Variants in NEDD4L observed in about 807,000 individuals in gnomAD.
NEDD4L encodes E3 ubiquitin-protein ligase NEDD4-like.
A neutral mutation model predicts 148.9 loss-of-function variants in NEDD4L; 54 were observed. The ratio of observed to expected loss-of-function variants is 0.36; its 90% CI spans 0.29 to 0.45. The LOEUF is 0.45. NEDD4L is among the 20% of genes least tolerant of loss of function. The pLI is 1.00. For synonymous variants in NEDD4L, 433 were observed against 440.7 expected (o/e 0.98, Z 0.22); for missense variants, 856 against 1,233.8 (o/e 0.69, Z 4.59).
rs1414478465 is a variant in NEDD4L, at chr18:58,256,077, C to T, written c.297+4023C>T. The T allele has an allele frequency of 4.1e-6, 5 of 1,228,218 alleles. No individual in the cohort carries two copies. The highest frequency in any genetic ancestry group is 4.2e-5 in the Admixed American group (1 of 23,576). The allele number at this position is 1,228,218 out of a possible 1,614,324, so 76.1% of individuals were successfully genotyped here. Reference sequence around the variant, plus strand: ...CCCCAGAGTGGCTCCCGGGAGCCCTCGCCGAGGGACACCCCCGGGAGCTCC... The same window carrying T: ...CCCCAGAGTGGCTCCCGGGAGCCCTTGCCGAGGGACACCCCCGGGAGCTCC... On this transcript the variant is annotated intron_variant, in intron 5 of 30. Coordinates refer to ENST00000400345, the MANE Select transcript of NEDD4L (RefSeq NM_001144967.3). The surrounding 1 kb of genome is among the most constrained non-coding windows in gnomAD (Gnocchi z 5.2).
chr18:58,219,740 A>G (rs2043533092), intron 2 of NEDD4L, among the ~76,000 whole-genome samples: 1 of 152,188 alleles, frequency 6.6e-6, no homozygotes, highest in Non-Finnish European at 1.5e-5. Context: ...CCTCTCTCTA[A>G]ATACAGTCAC....
intron 24 of NEDD4L, among the ~76,000 whole-genome samples, chr18:58,379,608 G>A (rs779799940): frequency 1.6e-4 from 24 of 152,116 alleles, no homozygotes; most frequent in Non-Finnish European, 3.4e-4. Context: ...ATGGAGCCTC[G>A]TGCCCAACCA....
chr18:58,269,031 G>T lies in NEDD4L; in HGVS notation c.297+16977G>T, dbSNP rs1183016679. ...ATCCTCCCTGGCAGAAACCTCACTG[G>T]GGATCATTTTTTCCTTTTGAACAAG... is the stretch of plus-strand genomic sequence containing the variant. On this transcript the variant is annotated intron_variant, in intron 5 of 30. Transcript: ENST00000400345. Among the ~76,000 whole-genome samples the T allele has an allele frequency of 1.3e-5, 2 of 151,908 alleles. 1 individual carries two copies. Among genetic ancestry groups the T allele is most frequent in the Non-Finnish European group, 2.9e-5 (2 of 67,918 alleles).
rs564442 is a variant in NEDD4L at position 58,165,664 on chromosome 18, C to A, written c.49-124C>A. ...AGTGTAAGGAAGAATTGCTTATGCTCGAATTGATTTGTTCTGTATCCCAAT... is the reference window on the plus strand; with the variant it reads ...AGTGTAAGGAAGAATTGCTTATGCTAGAATTGATTTGTTCTGTATCCCAAT... On this transcript the variant is annotated intron_variant, in intron 1 of 30. Transcript: ENST00000400345. 4 of 1,528,220 alleles carry A rather than the reference C, an allele frequency of 2.6e-6. No individual in the cohort carries two copies. The South Asian group carries it at 4.8e-5, about 18-fold the overall frequency. The allele number at this position is 1,528,220 out of a possible 1,614,324, so 94.7% of individuals were successfully genotyped here.
intron 1 of NEDD4L, among the ~76,000 whole-genome samples, chr18:58,109,904 A>T (rs2085316295): frequency 6.6e-6 from 1 of 152,134 alleles, no homozygotes; most frequent in African/African-American, 2.4e-5. Context: ...CAATTTGATG[A>T]TATTTACAGT....
At position 58,044,506 on chromosome 18, in the gene NEDD4L, C is replaced by T. The variant is rs2081482654; in HGVS notation, c.-155C>T. 1 of 1,078,460 alleles carries T rather than the reference C, an allele frequency of 9.3e-7. No individual in the cohort carries two copies. Among genetic ancestry groups the T allele is most frequent in the Non-Finnish European group, 1.2e-6 (1 of 838,344 alleles). 66.8% of individuals were successfully genotyped at this position (1,078,460 alleles called of 1,614,324 possible). A position where few individuals can be genotyped will look rare whatever the true frequency, so the allele number is the denominator to read the frequency against. On this transcript the variant is annotated 5_prime_UTR_variant, in exon 1 of 31. Transcript: ENST00000400345. ...AGCGTCCAGGGCGCGCTCTCGGGCA[C>T]CCTCACCTGCCGGCGCCCGGCCGCT... is the stretch of plus-strand genomic sequence containing the variant.
At chr18:58,082,102 A>ATTTTTTTTTTTTTTTTTTTTTTTTTT (rs1192932128) in intron 1 of NEDD4L, among the ~76,000 whole-genome samples, 2 of 48,832 alleles carry the variant, frequency 4.1e-5, no homozygotes, top group Admixed American at 3.3e-4. Flanking sequence ...ATATATATAT[A>ATTTTTTTTTTTTTTTTTTTTTTTTTT]TTTTTTTTTT....
intron 12 of NEDD4L, 29 bp from the exon 13 acceptor site, chr18:58,335,449 A>T: frequency 1.9e-6 from 3 of 1,597,986 alleles, no homozygotes; most frequent in Non-Finnish European, 2.6e-6. Context: ...CCCTAAGTGC[A>T]TTTCACTGAT....
At chr18:58,271,542 T>C (rs1239552981) in intron 5 of NEDD4L, among the ~76,000 whole-genome samples, 3 of 152,224 alleles carry the variant, frequency 2.0e-5, no homozygotes, top group Non-Finnish European at 2.9e-5. Context: ...ATTTAAAAGT[T>C]ACCCTTTTAG....
intron 5 of NEDD4L, among the ~76,000 whole-genome samples, chr18:58,297,781 G>A (rs1568614267): frequency 6.6e-6 from 1 of 152,286 alleles, no homozygotes; most frequent in African/African-American, 2.4e-5. Flanking sequence ...TGCTGTGCCT[G>A]TTCTCTTGGT....
rs761178077 is a variant in NEDD4L at position 58,097,154 on chromosome 18, T to C, written c.48+52446T>C. 2.2e-4 allele frequency among the ~76,000 whole-genome samples: 33 copies of C among 152,234 alleles called. 1 individual carries two copies. Among genetic ancestry groups the C allele is most frequent in the Admixed American group, 7.2e-4 (11 of 15,286 alleles). On this transcript the variant is annotated intron_variant, in intron 1 of 30. Coordinates refer to ENST00000400345, the MANE Select transcript of NEDD4L (RefSeq NM_001144967.3). ...AAGATTGTTTTGTTCGCAAGACTTATGACACAGCCCTCCAGCTCTGTGGCT... is the reference window on the plus strand; with the variant it reads ...AAGATTGTTTTGTTCGCAAGACTTACGACACAGCCCTCCAGCTCTGTGGCT...
chr18:58,323,103 T>C, intron 7 of NEDD4L, 129 bp from the exon 8 acceptor site: 1 of 573,594 alleles, frequency 1.7e-6, no homozygotes, highest in Non-Finnish European at 3.1e-6. Context: ...CTGCCCTGTG[T>C]GCTGTGGGTA....
rs35545013 is a variant in NEDD4L, at chr18:58,398,157, TAAAAAAAAAAAAAAAA to T, written c.*1910_*1925del. On this transcript the variant is annotated 3_prime_UTR_variant, in exon 31 of 31. Coordinates refer to ENST00000400345, the MANE Select transcript of NEDD4L (RefSeq NM_001144967.3). The stretch of plus-strand genomic sequence containing the variant: ...TCAGAAAACTTAGATGCTATGTAAC[TAAAAAAAAAAAAAAAA>T]AAAAAAAAAAAAAAAAAAAAATTCC... 61 of 31,018 alleles carry T rather than the reference TAAAAAAAAAAAAAAAA, an allele frequency of 2.0e-3. No homozygotes were observed. Among genetic ancestry groups the T allele is most frequent in the South Asian group, 0.015 (6 of 412 alleles). 1.9% of individuals were successfully genotyped at this position (31,018 alleles called of 1,614,324 possible).
chr18:58,312,624 A>T (rs1444392552), intron 5 of NEDD4L, among the ~76,000 whole-genome samples: 1 of 152,168 alleles, frequency 6.6e-6, no homozygotes, highest in Non-Finnish European at 1.5e-5. Context: ...AGGCACCAGG[A>T]GGTTCTCTGA....
intron 5 of NEDD4L, among the ~76,000 whole-genome samples, chr18:58,315,072 T>A (rs1262472935): frequency 1.3e-5 from 2 of 152,230 alleles, no homozygotes; most frequent in Non-Finnish European, 2.9e-5. Flanking sequence ...GCTGGTCTCA[T>A]CATATCTAAA....
At chr18:58,311,363 G>T (rs12963674) in intron 5 of NEDD4L, among the ~76,000 whole-genome samples, 5,574 of 152,252 alleles carry the variant, frequency 0.037, 217 homozygotes, top group South Asian at 0.19. Flanking sequence ...ATACACATGG[G>T]TCATTTTACC....
intron 12 of NEDD4L, chr18:58,334,101 C>CT: frequency 2.1e-6 from 1 of 467,566 alleles, no homozygotes; most frequent in Non-Finnish European, 3.8e-6. Flanking sequence ...CTGGAACCTC[C>CT]ATTGCTTTAG....
chr18:58,365,006 C>T (rs1042997372), intron 20 of NEDD4L, among the ~76,000 whole-genome samples: 59 of 152,304 alleles, frequency 3.9e-4, no homozygotes, highest in African/African-American at 1.1e-3. Context: ...ACTATGGTTA[C>T]ACCTCTAGGG....
At chr18:58,222,475 T>A (rs557125591) in intron 2 of NEDD4L, among the ~76,000 whole-genome samples, 1 of 152,344 alleles carries the variant, frequency 6.6e-6, no homozygotes, top group Non-Finnish European at 1.5e-5. Flanking sequence ...ACTGAGTTTT[T>A]CCCTCAGGTT....
Sources: gnomAD v4.1 joint callset for allele counts (sites outside exome capture counted in the v4.1 genomes callset) on GRCh38, gnomAD v4.1.1 for gene constraint, Gnocchi (gnomAD v3.1) non-coding constraint, MANE v1.5 for transcripts, NCBI Gene and HGNC (gene_info 2026-07-23, HGNC 2026-07-21) for gene names.